MYL4: variants seen among roughly 807,000 people sequenced by gnomAD.
MYL4 encodes myosin light chain 4, also known as atrial myosin light chain 1.
A neutral mutation model predicts 21.6 loss-of-function variants in MYL4; 16 were observed. The ratio of observed to expected loss-of-function variants is 0.74; its 90% CI spans 0.50 to 1.12. The LOEUF (loss-of-function observed/expected upper bound fraction) is 1.12. Among genes scored for constraint, MYL4 ranks in the 50% most tolerant of loss-of-function variants. MYL4 has a pLI of 0.00. For missense variants in MYL4, 249 were observed against 252.9 expected (o/e 0.98, Z 0.11); for synonymous variants, 82 against 95.7 (o/e 0.86, Z 0.83).
At chr17:47,191,687 T>A in the MYL4 span, among the ~76,000 whole-genome samples, 1 of 152,172 alleles carries the variant, frequency 6.6e-6, no homozygotes, top group East Asian at 1.9e-4. Context: ...GCCAGGCTGG[T>A]CTCAAACTCC....
Position 47,214,665 on chromosome 17 carries a change from TC to T in MYL4, c.163+841del, listed in dbSNP as rs945089783. ...TAATAAAAAATAAAAATCCTTTTTT[TC>T]CATGCTGATTCCTCTCCCAAAGACA... On this transcript the variant is annotated intron_variant, in intron 2 of 6. Transcript: ENST00000393450. Among the ~76,000 whole-genome samples, 15 of 152,378 alleles carry T rather than the reference TC, an allele frequency of 9.8e-5. No individual in the cohort carries two copies. In the South Asian group the frequency reaches 2.3e-3, roughly 23 times the overall value.
At position 47,222,468 on chromosome 17, in the gene MYL4, G is replaced by A. The variant is rs187128906; in HGVS notation, c.565+11G>A. The A allele has an allele frequency of 5.8e-3, 9,368 of 1,613,856 alleles. 29 individuals carry two copies. The highest frequency in any genetic ancestry group is 6.7e-3 in the Non-Finnish European group (7,922 of 1,179,858). On this transcript the variant is annotated intron_variant, in intron 5 of 6. Transcript: ENST00000393450. The stretch of plus-strand genomic sequence containing the variant: ...GCATCAATTATGAAGGTATTAAGCC[G>A]CGCCTTGCATCCCAGGGCAGCCAGG...
At chr17:47,201,481 A>G (rs1163030145) in intron 1 of MYL4, among the ~76,000 whole-genome samples, 1 of 141,244 alleles carries the variant, frequency 7.1e-6, no homozygotes, top group Non-Finnish European at 1.5e-5. Flanking sequence ...TTTGAGGCGG[A>G]GTTTTGCTCT....
upstream of MYL4, among the ~76,000 whole-genome samples, chr17:47,200,045 T>G (rs1194215142): frequency 6.6e-6 from 1 of 150,528 alleles, no homozygotes; most frequent in African/African-American, 2.5e-5. Context: ...CTGGCCTCAA[T>G]AAGTGTTAGT....
upstream of MYL4, among the ~76,000 whole-genome samples, chr17:47,199,240 C>CAAAAAAA (rs141005807): frequency 1.3e-5 from 1 of 76,170 alleles, no homozygotes; most frequent in Non-Finnish European, 2.6e-5. Flanking sequence ...GACTCTGTCT[C>CAAAAAAA]AAAAAAAAAA....
upstream of MYL4, among the ~76,000 whole-genome samples, chr17:47,198,665 G>A (rs12938161): frequency 6.6e-6 from 1 of 152,194 alleles, no homozygotes; most frequent in African/African-American, 2.4e-5. Context: ...GAGAGCCTCA[G>A]ATGAGAAATA....
chr17:47,193,252 C>T, the MYL4 span, among the ~76,000 whole-genome samples: 91 of 147,052 alleles, frequency 6.2e-4, no homozygotes, highest in Middle Eastern at 3.4e-3. Flanking sequence ...TCCTAGCTTT[C>T]CTCCTACTGC....
At chr17:47,213,649 C>A in intron 1 of MYL4, 150 bp from the exon 2 acceptor site, 1 of 786,134 alleles carries the variant, frequency 1.3e-6, no homozygotes, top group Non-Finnish European at 2.2e-6. Flanking sequence ...GTGTTTTACC[C>A]TTAGCACAAG....
intron 2 of MYL4, among the ~76,000 whole-genome samples, chr17:47,215,257 G>T (rs574813145): frequency 2.6e-5 from 4 of 152,138 alleles, no homozygotes; most frequent in Non-Finnish European, 4.4e-5. Context: ...GAAACACAAT[G>T]ACACTAGTGA....
chr17:47,190,573 A>G, the MYL4 span, among the ~76,000 whole-genome samples: 1 of 152,172 alleles, frequency 6.6e-6, no homozygotes, highest in Admixed American at 6.5e-5. Context: ...TTTCATTTTT[A>G]AAAACAAGGC....
At chr17:47,207,765 A>G (rs1252867046), upstream of MYL4, among the ~76,000 whole-genome samples, 1 of 152,160 alleles carries the variant, frequency 6.6e-6, no homozygotes, top group Non-Finnish European at 1.5e-5. Flanking sequence ...TTGACTTTCA[A>G]AGTTTTTTTT....
chr17:47,210,756 G>A (rs2064768213), intron 1 of MYL4, among the ~76,000 whole-genome samples: 1 of 148,884 alleles, frequency 6.7e-6, no homozygotes, highest in Admixed American at 6.7e-5. Context: ...AAGAGATGGA[G>A]GCAATTGTCC....
chr17:47,212,576 T>A (rs2064784424), intron 1 of MYL4, among the ~76,000 whole-genome samples: 1 of 152,222 alleles, frequency 6.6e-6, no homozygotes, highest in Admixed American at 6.5e-5. Flanking sequence ...AAGATCTGAA[T>A]TGGCTTTTAT....
chr17:47,195,052 CTTTTTTT>C, the MYL4 span, among the ~76,000 whole-genome samples: 35 of 113,934 alleles, frequency 3.1e-4, no homozygotes, highest in African/African-American at 1.0e-3. Flanking sequence ...CTTCATGGAA[CTTTTTTT>C]TTTTTTTTTT....
chr17:47,195,730 T>A (rs745688847), upstream of MYL4, among the ~76,000 whole-genome samples: 1 of 152,228 alleles, frequency 6.6e-6, no homozygotes, highest in South Asian at 2.1e-4. Flanking sequence ...TAGCTCTGCT[T>A]ATCCTCCAAA....
Position 47,223,211 on chromosome 17 carries a change from T to C in MYL4, c.*15+154T>C, listed in dbSNP as rs575570432. ...TGAGGACAGCCCTGCTCACTCACCA[T>C]CTCCTGTCTCCTGCCTGCCCTTGCC... On this transcript the variant is annotated intron_variant, in intron 6 of 6. Coordinates refer to ENST00000393450, the MANE Select transcript of MYL4 (RefSeq NM_002476.2). 1.7e-5 allele frequency: 12 copies of C among 689,054 alleles called. No individual in the cohort carries two copies. The South Asian group carries it at 2.3e-4, about 13-fold the overall frequency. The allele number at this position is 689,054 out of a possible 1,614,324, so 42.7% of individuals were successfully genotyped here.
intron 2 of MYL4, among the ~76,000 whole-genome samples, chr17:47,218,471 T>C (rs2064831293): frequency 1.3e-5 from 2 of 152,280 alleles, no homozygotes; most frequent in South Asian, 2.1e-4. Context: ...CCTCCACTAA[T>C]GAATTGGTTG....
intron 2 of MYL4, among the ~76,000 whole-genome samples, chr17:47,215,462 C>CT (rs2064806663): frequency 6.6e-6 from 1 of 152,088 alleles, no homozygotes; most frequent in Non-Finnish European, 1.5e-5. Context: ...TAATTTTACC[C>CT]CAGCGATCTT....
At chr17:47,211,775 A>C (rs1172428408) in intron 1 of MYL4, among the ~76,000 whole-genome samples, 1 of 152,040 alleles carries the variant, frequency 6.6e-6, no homozygotes, top group Non-Finnish European at 1.5e-5. Context: ...CAGGATGGGC[A>C]CAGCACAAGC....
Sources: allele counts gnomAD v4.1 joint callset (sites outside exome capture counted in the v4.1 genomes callset), GRCh38; gene constraint gnomAD v4.1.1; transcripts MANE v1.5; gene names NCBI Gene and HGNC (gene_info 2026-07-23, HGNC 2026-07-21).